The following KANK1 variants were observed in gnomAD, a reference collection of about 807,000 sequenced individuals.
The protein encoded by KANK1 is KN motif and ankyrin repeat domains 1, also known as KN motif and ankyrin repeat domain-containing protein 1.
A neutral mutation model predicts 106.2 loss-of-function variants in KANK1; 109 were observed. The ratio of observed to expected loss-of-function variants is 1.03; its 90% confidence interval spans 0.88 to 1.20. The LOEUF (loss-of-function observed/expected upper bound fraction) is 1.20, where lower values mean the gene tolerates loss of function less well. Among genes scored for constraint, KANK1 ranks in the 50% most tolerant of loss-of-function variants. The probability of loss-of-function intolerance (pLI) is 0.00; values close to 1 mark genes in which losing one functional copy is unlikely to be tolerated. For synonymous variants in KANK1, 873 were observed against 652.2 expected (o/e 1.34, Z -5.16); for missense variants, 2,399 against 1,710.7 (o/e 1.40, Z -7.10).
intron 1 of KANK1, among the ~76,000 whole-genome samples, chr9:531,644 C>G (rs2060061336): frequency 6.6e-6 from 1 of 152,190 alleles, no homozygotes; most frequent in African/African-American, 2.4e-5. Context: ...AATACAGCAT[C>G]AGTAGTTAAC....
At chr9:667,746 TG>T (rs67938430) in intron 1 of KANK1, among the ~76,000 whole-genome samples, 11 of 128,418 alleles carry the variant, frequency 8.6e-5, no homozygotes, top group Non-Finnish European at 1.1e-4. Context: ...TTTTTTGTTT[TG>T]TTTTTTTTTT....
At chr9:506,476 A>G (rs1451663372) in intron 1 of KANK1, among the ~76,000 whole-genome samples, 5 of 152,150 alleles carry the variant, frequency 3.3e-5, no homozygotes, top group Admixed American at 6.5e-5. Flanking sequence ...AGACTTGCCT[A>G]GTCCATAAAT....
At chr9:610,663 A>G (rs1830348166) in intron 1 of KANK1, among the ~76,000 whole-genome samples, 1 of 152,174 alleles carries the variant, frequency 6.6e-6, no homozygotes, top group African/African-American at 2.4e-5. Context: ...TTTAAGGGCC[A>G]TTGAAGAATC....
At chr9:508,888 TACA>T (rs1254509251) in intron 1 of KANK1, among the ~76,000 whole-genome samples, 1 of 152,210 alleles carries the variant, frequency 6.6e-6, no homozygotes, top group Non-Finnish European at 1.5e-5. Context: ...CAATATCCAA[TACA>T]AATGTGTACA....
At position 738,465 on chromosome 9, in the gene KANK1, C is replaced by T; in HGVS notation, c.3514C>T (p.His1172Tyr). The T allele has an allele frequency of 6.2e-7, 1 of 1,614,172 alleles. No individual in the cohort carries two copies. Reference sequence around the variant, plus strand: ...CACAGCCCTCCATTACAGCGTGTCCCACTCCAACTTCGAGATTGTGAAGCT... The same window carrying T: ...CACAGCCCTCCATTACAGCGTGTCCTACTCCAACTTCGAGATTGTGAAGCT... Reference protein sequence around the residue: ...GNTALHYSVSHSNFEIVKLLL... With the variant: ...GNTALHYSVSYSNFEIVKLLL... The change falls in exon 8 of 12, where the codon CAC (histidine) becomes TAC (tyrosine). Residue 1172 changes from histidine (H) to tyrosine (Y), a missense_variant. Transcript: ENST00000382297.
intron 1 of KANK1, among the ~76,000 whole-genome samples, chr9:606,542 G>A (rs1242945073): frequency 7.2e-6 from 1 of 139,040 alleles, no homozygotes; most frequent in Non-Finnish European, 1.5e-5. Flanking sequence ...GGCAACAACA[G>A]CAAAACTCTG....
At chr9:668,535 T>C (rs1251233272) in intron 1 of KANK1, among the ~76,000 whole-genome samples, 3 of 152,208 alleles carry the variant, frequency 2.0e-5, no homozygotes, top group Non-Finnish European at 4.4e-5. Context: ...TCTGGTTGTT[T>C]TGTAACTCTT....
At chr9:564,098 C>T (rs536419572) in intron 1 of KANK1, among the ~76,000 whole-genome samples, 70 of 148,476 alleles carry the variant, frequency 4.7e-4, no homozygotes, top group Non-Finnish European at 8.6e-4. Context: ...CTTGCTCTGT[C>T]GCCCAGGCTG....
At chr9:696,866 T>C (rs1210953158) in intron 2 of KANK1, among the ~76,000 whole-genome samples, 1 of 152,154 alleles carries the variant, frequency 6.6e-6, no homozygotes, top group Non-Finnish European at 1.5e-5. Flanking sequence ...ATTTGCAGTA[T>C]GAGTAACAGC....
At chr9:499,610 G>C (rs1401913873) in intron 3 of KANK1, among the ~76,000 whole-genome samples, 1 of 152,180 alleles carries the variant, frequency 6.6e-6, no homozygotes, top group East Asian at 1.9e-4. Flanking sequence ...GCAGGGGCCA[G>C]GGAAGAGGAC....
chr9:708,305 T>C (rs1824878289), intron 2 of KANK1, among the ~76,000 whole-genome samples: 1 of 152,214 alleles, frequency 6.6e-6, no homozygotes, highest in Admixed American at 6.5e-5. Context: ...GCTGCATATT[T>C]TGAGTGATCA....
chr9:688,149 G>T (rs1184149551), intron 2 of KANK1, among the ~76,000 whole-genome samples: 2 of 152,242 alleles, frequency 1.3e-5, no homozygotes, highest in African/African-American at 4.8e-5. Flanking sequence ...TAAGTTCCCA[G>T]TTGGTCGCTC....
intron 1 of KANK1, among the ~76,000 whole-genome samples, chr9:526,592 C>T (rs1200414693): frequency 6.6e-6 from 1 of 151,684 alleles, no homozygotes; most frequent in African/African-American, 2.4e-5. Flanking sequence ...TGAAATTTAG[C>T]AATGTTTTAT....
At chr9:628,917 A>G (rs1313946892) in intron 1 of KANK1, among the ~76,000 whole-genome samples, 2 of 144,590 alleles carry the variant, frequency 1.4e-5, no homozygotes, top group African/African-American at 5.5e-5. Flanking sequence ...CATCTCTACT[A>G]AAAATACAAA....
At chr9:562,359 A>G (rs1427176040) in intron 1 of KANK1, among the ~76,000 whole-genome samples, 5 of 152,188 alleles carry the variant, frequency 3.3e-5, no homozygotes, top group Admixed American at 6.5e-5. Context: ...GCCCAAGTAA[A>G]TTGCATTTTC....
chr9:505,605 T>C (rs530004539), intron 1 of KANK1, among the ~76,000 whole-genome samples: 1 of 152,336 alleles, frequency 6.6e-6, no homozygotes, highest in African/African-American at 2.4e-5. Flanking sequence ...TCTTGGTGGC[T>C]CTTGCGGGTC....
chr9:508,637 A>G (rs2058887047), intron 1 of KANK1, among the ~76,000 whole-genome samples: 1 of 146,828 alleles, frequency 6.8e-6, no homozygotes, highest in Non-Finnish European at 1.5e-5. Context: ...TGCTCTACAC[A>G]GACTCACACG....
At chr9:517,483 G>A (rs1294580819) in intron 1 of KANK1, among the ~76,000 whole-genome samples, 1 of 151,616 alleles carries the variant, frequency 6.6e-6, no homozygotes, top group African/African-American at 2.4e-5. Flanking sequence ...TCTTTTTTAG[G>A]TTTATTTTAG....
intron 3 of KANK1, among the ~76,000 whole-genome samples, chr9:474,426 A>G (rs1432248799): frequency 6.6e-6 from 1 of 152,352 alleles, no homozygotes; most frequent in African/African-American, 2.4e-5. Context: ...TCACTTATCT[A>G]TAAAATGAGA....
Sources: gnomAD v4.1 joint callset for allele counts (sites outside exome capture counted in the v4.1 genomes callset) on GRCh38, gnomAD v4.1.1 for gene constraint, MANE v1.5 for transcripts, NCBI Gene and HGNC (gene_info 2026-07-23, HGNC 2026-07-21) for gene names.